The following CNTN1 variants were observed in gnomAD, a reference collection of about 807,000 sequenced individuals.
CNTN1 encodes contactin 1, also known as contactin-1.
In CNTN1, 38 loss-of-function variants were observed where a neutral mutation model predicts 126.4. That is an observed-to-expected ratio of 0.30 (90% CI 0.23 to 0.39). The LOEUF is 0.39. Among genes scored for constraint, CNTN1 ranks in the 10% least tolerant of loss-of-function variants. The pLI, the probability that CNTN1 is intolerant of heterozygous loss-of-function variation, is 1.00. For synonymous variants in CNTN1, 413 were observed against 422.6 expected, an observed-to-expected ratio of 0.98 and a Z score of 0.28; for missense variants, 1,009 against 1,248.4, an observed-to-expected ratio of 0.81 and a Z score of 2.89.
At chr12:40,947,192 G>T (rs560450925) in intron 14 of CNTN1, among the ~76,000 whole-genome samples, 1 of 151,996 alleles carries the variant, frequency 6.6e-6, no homozygotes, top group South Asian at 2.1e-4. Flanking sequence ...AAACACTAAG[G>T]AGTTAAACAT....
At chr12:40,843,585 C>T (rs571744074) in intron 1 of CNTN1, among the ~76,000 whole-genome samples, 85 of 152,236 alleles carry the variant, frequency 5.6e-4, no homozygotes, top group African/African-American at 2.0e-3. Context: ...AAGGTCTTCT[C>T]GGCTCACATA....
At chr12:40,760,787 T>G (rs1458929673) in intron 1 of CNTN1, among the ~76,000 whole-genome samples, 1 of 151,870 alleles carries the variant, frequency 6.6e-6, no homozygotes, top group Admixed American at 6.6e-5. Context: ...GGTGACAACT[T>G]CAAAAAATAA....
At chr12:41,056,007 A>T (rs576387414) in intron 23 of CNTN1, among the ~76,000 whole-genome samples, 2 of 152,134 alleles carry the variant, frequency 1.3e-5, no homozygotes, top group Non-Finnish European at 2.9e-5. Flanking sequence ...GCTTGGATTA[A>T]GTGGTACCCT....
intron 23 of CNTN1, among the ~76,000 whole-genome samples, chr12:41,042,880 G>A (rs1157347705): frequency 3.3e-5 from 5 of 151,812 alleles, no homozygotes; most frequent in South Asian, 4.2e-4. Flanking sequence ...GACAAACCTG[G>A]GAAAAACAAG....
At chr12:41,010,107 G>A (rs996774989) in intron 17 of CNTN1, among the ~76,000 whole-genome samples, 1 of 151,740 alleles carries the variant, frequency 6.6e-6, no homozygotes, top group Non-Finnish European at 1.5e-5. Flanking sequence ...GATTAGAGAG[G>A]AGAAGAGAGA....
At position 40,860,623 on chromosome 12, in the gene CNTN1, G is replaced by A. The variant is rs188033397; in HGVS notation, c.-76-47734G>A. Among the ~76,000 whole-genome samples, 580 of 152,212 alleles carry A rather than the reference G, an allele frequency of 3.8e-3. 5 individuals carry two copies. The highest frequency in any genetic ancestry group is 3.4e-3 in the Non-Finnish European group (231 of 68,000). On this transcript the variant is annotated intron_variant, in intron 1 of 23. Coordinates refer to ENST00000551295, the MANE Select transcript of CNTN1 (RefSeq NM_001843.4). ...CTACTTACTATTACCAGTTTATTAT[G>A]ATGGATGCAACTCAAAAACAGCCAA...
intron 5 of CNTN1, among the ~76,000 whole-genome samples, chr12:40,923,037 A>C (rs1034965465): frequency 1.3e-5 from 2 of 151,074 alleles, no homozygotes; most frequent in African/African-American, 2.4e-5. Flanking sequence ...GGGCACTATC[A>C]CCCCTAAGGG....
Position 40,789,402 on chromosome 12 carries a change from C to T in CNTN1, c.-77+96810C>T, listed in dbSNP as rs1940146624. Among the ~76,000 whole-genome samples, 2 of 26,428 alleles carry T rather than the reference C, an allele frequency of 7.6e-5. 1 individual carries two copies. The highest frequency in any genetic ancestry group is 1.8e-4 in the African/African-American group (2 of 11,280). 17.3% of individuals were successfully genotyped at this position (26,428 alleles called of 152,430 possible). On this transcript the variant is annotated intron_variant, in intron 1 of 23. Transcript: ENST00000551295. The stretch of plus-strand genomic sequence containing the variant: ...GGCATACTGTTGCAATGAAAACAAC[C>T]TAAAGAAATTGAAATTTGAATTCTG...
intron 1 of CNTN1, among the ~76,000 whole-genome samples, chr12:40,747,028 C>T (rs1390634435): frequency 6.6e-6 from 1 of 152,078 alleles, no homozygotes; most frequent in Non-Finnish European, 1.5e-5. Context: ...GGGGAGCCCT[C>T]TCCTGCCCCA....
intron 1 of CNTN1, among the ~76,000 whole-genome samples, chr12:40,765,214 T>G (rs1213531010): frequency 6.6e-6 from 1 of 152,188 alleles, no homozygotes; most frequent in Non-Finnish European, 1.5e-5. Flanking sequence ...CTTTGTGGCT[T>G]GACTTGAGTT....
At chr12:41,046,632 C>T (rs754003484) in intron 23 of CNTN1, among the ~76,000 whole-genome samples, 27 of 152,148 alleles carry the variant, frequency 1.8e-4, no homozygotes, top group Non-Finnish European at 3.5e-4. Flanking sequence ...CCACAGACCA[C>T]TAAACGGGTC....
chr12:41,017,305 CG>C (rs1948803309), intron 19 of CNTN1, among the ~76,000 whole-genome samples: 2 of 150,162 alleles, frequency 1.3e-5, no homozygotes. Flanking sequence ...GGCGTGGTGG[CG>C]CATGCCTGTA....
At chr12:40,692,901 G>A (rs1489283718) in intron 1 of CNTN1, among the ~76,000 whole-genome samples, 3 of 152,170 alleles carry the variant, frequency 2.0e-5, no homozygotes, top group Non-Finnish European at 4.4e-5. Context: ...CGCCAGCGCC[G>A]GGAACTCGCC....
chr12:40,727,559 G>GTGA (rs1439238496), intron 1 of CNTN1, among the ~76,000 whole-genome samples: 2 of 152,018 alleles, frequency 1.3e-5, no homozygotes, highest in African/African-American at 4.8e-5. Context: ...TTGGATTTAA[G>GTGA]TGATAGAACT....
intron 17 of CNTN1, among the ~76,000 whole-genome samples, chr12:41,010,069 G>A (rs760743427): frequency 2.6e-5 from 4 of 152,120 alleles, no homozygotes; most frequent in African/African-American, 7.2e-5. Flanking sequence ...GTGATGCCTG[G>A]TCATGCTACA....
At chr12:40,769,237 T>C (rs1430337532) in intron 1 of CNTN1, among the ~76,000 whole-genome samples, 1 of 151,532 alleles carries the variant, frequency 6.6e-6, no homozygotes, top group Non-Finnish European at 1.5e-5. Flanking sequence ...TCTATGAAGA[T>C]GAATTTTAGT....
intron 20 of CNTN1, 140 bp from the exon 21 acceptor site, chr12:41,025,010 A>C: frequency 2.3e-6 from 2 of 858,486 alleles, no homozygotes; most frequent in South Asian, 2.7e-5. Context: ...AAGGCTGATA[A>C]AAGGGTAGAT....
At chr12:40,957,494 A>C (rs1946931649) in intron 14 of CNTN1, among the ~76,000 whole-genome samples, 1 of 150,454 alleles carries the variant, frequency 6.6e-6, no homozygotes, top group Admixed American at 6.7e-5. Flanking sequence ...TCAGTTGTTC[A>C]GTAAACTAAC....
chr12:40,954,902 C>A (rs986828748), intron 14 of CNTN1, among the ~76,000 whole-genome samples: 1 of 152,064 alleles, frequency 6.6e-6, no homozygotes, highest in African/African-American at 2.4e-5. Flanking sequence ...GCTTACCAAG[C>A]CTTTCTGTCC....
Sources: gnomAD v4.1 joint callset for allele counts (sites outside exome capture counted in the v4.1 genomes callset) on GRCh38, gnomAD v4.1.1 for gene constraint, MANE v1.5 for transcripts, NCBI Gene and HGNC (gene_info 2026-07-23, HGNC 2026-07-21) for gene names.